The following ZMIZ1 variants were observed in gnomAD, a reference collection of about 807,000 sequenced individuals.
ZMIZ1 encodes zinc finger MIZ domain-containing protein 1.
A neutral mutation model predicts 113.9 loss-of-function variants in ZMIZ1; 17 were observed. That is an observed-to-expected ratio of 0.15 (90% confidence interval 0.10 to 0.22). The LOEUF is 0.22. ZMIZ1 is among the 10% of genes least tolerant of loss of function. The probability of loss-of-function intolerance (pLI) is 1.00; values close to 1 mark genes in which losing one functional copy is unlikely to be tolerated. For missense variants in ZMIZ1, 1,059 were observed against 1,477.8 expected, an observed-to-expected ratio of 0.72 and a Z score of 4.65; for synonymous variants, 607 against 603.1, an observed-to-expected ratio of 1.01 and a Z score of -0.09.
intron 7 of ZMIZ1, among the ~76,000 whole-genome samples, chr10:79,230,294 G>T (rs145679999): frequency 6.6e-6 from 1 of 151,830 alleles, no homozygotes; most frequent in Non-Finnish European, 1.5e-5. Flanking sequence ...CCTGCTGCTC[G>T]GCTCTGCCAG....
At chr10:79,070,936 A>G (rs1842261485) in intron 1 of ZMIZ1, among the ~76,000 whole-genome samples, 2 of 151,044 alleles carry the variant, frequency 1.3e-5, no homozygotes, top group South Asian at 4.2e-4. Flanking sequence ...TGAGGGAGGA[A>G]GATTTAACTT....
At chr10:79,200,102 C>T (rs939809927) in intron 4 of ZMIZ1, among the ~76,000 whole-genome samples, 5 of 152,148 alleles carry the variant, frequency 3.3e-5, no homozygotes, top group Non-Finnish European at 7.4e-5. Context: ...GTGTCCAGCA[C>T]GTGAAAAGTC....
At chr10:79,198,093 A>G (rs1307134833) in intron 4 of ZMIZ1, among the ~76,000 whole-genome samples, 1 of 152,082 alleles carries the variant, frequency 6.6e-6, no homozygotes, top group Non-Finnish European at 1.5e-5. Flanking sequence ...CCCCATCTCT[A>G]CTAAAAATAC....
intron 1 of ZMIZ1, among the ~76,000 whole-genome samples, chr10:79,087,529 C>T (rs1305067687): frequency 6.6e-6 from 1 of 152,212 alleles, no homozygotes; most frequent in Non-Finnish European, 1.5e-5. Flanking sequence ...CATCCCCAGG[C>T]AGCAACCTTC....
chr10:79,098,023 C>A (rs1321086596), intron 1 of ZMIZ1, among the ~76,000 whole-genome samples: 3 of 152,198 alleles, frequency 2.0e-5, no homozygotes, highest in Non-Finnish European at 4.4e-5. Context: ...TTCAAGATGC[C>A]ACTGGGCCCT....
intron 7 of ZMIZ1, among the ~76,000 whole-genome samples, chr10:79,276,682 A>G (rs754314516): frequency 6.6e-6 from 1 of 152,144 alleles, no homozygotes; most frequent in Non-Finnish European, 1.5e-5. Context: ...GCAGATTCCA[A>G]GATTTTGTTC....
At chr10:79,278,967 G>A (rs892109522) in intron 8 of ZMIZ1, among the ~76,000 whole-genome samples, 22 of 152,264 alleles carry the variant, frequency 1.4e-4, no homozygotes, top group Non-Finnish European at 2.5e-4. Context: ...CTCCCAGACA[G>A]GGTGGTGGCG....
At chr10:79,262,496 G>T (rs893412943) in intron 7 of ZMIZ1, among the ~76,000 whole-genome samples, 2 of 152,244 alleles carry the variant, frequency 1.3e-5, no homozygotes, top group African/African-American at 4.8e-5. Context: ...CAGCCAGGAA[G>T]CACCAGATGT....
In ZMIZ1 at chr10:79,260,390, G is replaced by C. The variant is rs148227956; in HGVS notation, c.281-16791G>C. On this transcript the variant is annotated intron_variant, in intron 7 of 24. Coordinates refer to ENST00000334512, the MANE Select transcript of ZMIZ1 (RefSeq NM_020338.4). ...GAGGGAGTCGGTGGTGGGGAGGTAC[G>C]ACAATTCATAAACGGTCAGGTCAGG... Among the ~76,000 whole-genome samples the C allele has an allele frequency of 1.4e-3, 210 of 152,262 alleles. 2 individuals are homozygous for C. Among genetic ancestry groups the C allele is most frequent in the African/African-American group, 4.8e-3 (199 of 41,544 alleles).
At chr10:79,299,892 C>T (rs79820682) in intron 16 of ZMIZ1, among the ~76,000 whole-genome samples, 7,006 of 151,984 alleles carry the variant, frequency 0.046, 206 homozygotes, top group Non-Finnish European at 0.06. Flanking sequence ...GGGTGTCCAC[C>T]CTTCAGTCCT....
chr10:79,239,621 G>A (rs1044209857), intron 7 of ZMIZ1, among the ~76,000 whole-genome samples: 7 of 152,270 alleles, frequency 4.6e-5, no homozygotes, highest in East Asian at 3.9e-4. Flanking sequence ...CCCTCTAAGC[G>A]GTCAGAGGGA....
At chr10:79,092,328 C>G (rs1050532152) in intron 1 of ZMIZ1, among the ~76,000 whole-genome samples, 1 of 152,236 alleles carries the variant, frequency 6.6e-6, no homozygotes, top group Non-Finnish European at 1.5e-5. Flanking sequence ...TGGCTTCCCT[C>G]TGTTCTCCAG....
At chr10:79,189,737 C>T (rs1847518896) in intron 4 of ZMIZ1, among the ~76,000 whole-genome samples, 1 of 152,234 alleles carries the variant, frequency 6.6e-6, no homozygotes, top group African/African-American at 2.4e-5. Context: ...GCACATTAGA[C>T]TTTCAAGTCA....
chr10:79,101,815 A>T (rs1372164414), intron 1 of ZMIZ1, among the ~76,000 whole-genome samples: 2 of 152,178 alleles, frequency 1.3e-5, no homozygotes, highest in Non-Finnish European at 2.9e-5. Flanking sequence ...CCCCGACCAT[A>T]AACACACACA....
intron 7 of ZMIZ1, among the ~76,000 whole-genome samples, chr10:79,271,289 C>A (rs1220087164): frequency 2.0e-5 from 3 of 152,226 alleles, no homozygotes; most frequent in Non-Finnish European, 2.9e-5. Flanking sequence ...CTCTACTGAG[C>A]GAGGCAGAAA....
chr10:79,120,870 G>A (rs1204130367), intron 2 of ZMIZ1, among the ~76,000 whole-genome samples: 1 of 152,166 alleles, frequency 6.6e-6, no homozygotes, highest in Non-Finnish European at 1.5e-5. Context: ...AAGGTGGTGG[G>A]GTCTGTGTCA....
chr10:79,215,488 G>C (rs540945766), intron 6 of ZMIZ1, among the ~76,000 whole-genome samples: 14 of 152,146 alleles, frequency 9.2e-5, no homozygotes, highest in Admixed American at 2.6e-4. Context: ...TAGGAGAGAC[G>C]GGGTTTCACC....
At chr10:79,220,277 C>T (rs1453354565) in intron 7 of ZMIZ1, among the ~76,000 whole-genome samples, 1 of 152,214 alleles carries the variant, frequency 6.6e-6, no homozygotes, top group Non-Finnish European at 1.5e-5. Context: ...ACCCTCCAGC[C>T]TTCCTCCTCT....
At chr10:79,148,821 C>T (rs947538980) in intron 3 of ZMIZ1, among the ~76,000 whole-genome samples, 2 of 152,116 alleles carry the variant, frequency 1.3e-5, no homozygotes, top group African/African-American at 2.4e-5. Flanking sequence ...TGTCTTCCAC[C>T]CTGCTTGTCT....
Sources: gnomAD v4.1 joint callset for allele counts (sites outside exome capture counted in the v4.1 genomes callset) on GRCh38, gnomAD v4.1.1 for gene constraint, MANE v1.5 for transcripts, NCBI Gene and HGNC (gene_info 2026-07-23, HGNC 2026-07-21) for gene names.